The following GRK7 variants were observed in gnomAD, a reference collection of about 807,000 sequenced individuals.
The protein encoded by GRK7 is rhodopsin kinase GRK7.
Under a neutral mutation model 34.1 loss-of-function variants are expected in GRK7, and 24 were observed. That is an observed-to-expected ratio of 0.70 (90% CI 0.51 to 0.99). The LOEUF is 0.99. GRK7 is among the 50% of genes least tolerant of loss of function. The pLI is 0.00. For synonymous variants in GRK7, 256 were observed against 279.4 expected, an observed-to-expected ratio of 0.92 and a Z score of 0.84; for missense variants, 644 against 707.3, an observed-to-expected ratio of 0.91 and a Z score of 1.02.
intron 4 of GRK7, among the ~76,000 whole-genome samples, chr3:141,803,535 C>G (rs571199005): frequency 1.3e-5 from 2 of 152,210 alleles, no homozygotes; most frequent in African/African-American, 4.8e-5. Flanking sequence ...TCAGCAGTCA[C>G]TTCCATTACA....
intron 4 of GRK7, 90 bp downstream of exon 4, chr3:141,780,901 T>C: frequency 8.4e-7 from 1 of 1,187,506 alleles, no homozygotes; most frequent in Non-Finnish European, 1.2e-6. Flanking sequence ...AATAGAGCCT[T>C]GGACTTAATT....
Position 141,817,142 on chromosome 3 carries a change from CAGTT to C in GRK7, c.*95_*98del, listed in dbSNP as rs1183227480. 3 of 956,528 alleles carry C rather than the reference CAGTT, an allele frequency of 3.1e-6. No individual in the cohort carries two copies. The highest frequency in any genetic ancestry group is 4.7e-6 in the Non-Finnish European group (3 of 638,828). The allele number at this position is 956,528 out of a possible 1,614,324, so 59.3% of individuals were successfully genotyped here. On this transcript the variant is annotated 3_prime_UTR_variant, in exon 6 of 6. Coordinates refer to ENST00000682958, the MANE Select transcript of GRK7 (RefSeq NM_139209.3). ...GGAAATCTGTGGAATGAGGGCTAAT[CAGTT>C]AGGAGGGACATCACAACCACAAAAC...
rs539859950 is a variant in GRK7 at position 141,794,509 on chromosome 3, G to T, written c.1051-13136G>T. ...TGGTTCAAATGAAGATGGAGAGGTG[G>T]CAGGGGCCAGACGGAACCTGGCATT... On this transcript the variant is annotated intron_variant, in intron 4 of 5. Transcript: ENST00000682958. Among the ~76,000 whole-genome samples the T allele has an allele frequency of 9.8e-5, 15 of 152,360 alleles. 1 individual carries two copies. Among genetic ancestry groups the T allele is most frequent in the African/African-American group, 3.6e-4 (15 of 41,586 alleles).
intron 4 of GRK7, among the ~76,000 whole-genome samples, chr3:141,782,062 G>A (rs2084674552): frequency 6.6e-6 from 1 of 152,200 alleles, no homozygotes; most frequent in South Asian, 2.1e-4. Context: ...CAAGACTGAA[G>A]GGCTGGGCTT....
At position 141,778,560 on chromosome 3, in the gene GRK7, C is replaced by A; in HGVS notation, c.276C>A (p.Asn92Lys). Residue 92 changes from asparagine (N) to lysine (K), a missense_variant, in exon 3 of 6, where the codon AAC becomes AAA. Asn to Lys is a moderately conservative substitution (Grantham distance 94). Transcript: ENST00000682958. This position sits in a 1 kb window ranked among gnomAD's most constrained non-coding sequence, Gnocchi z 4.1. The part of the protein sequence containing the change: ...KAATFLEDVQ[N>K]WELAEEGPTK... ...CAACCTTCCTAGAGGACGTGCAGAA[C>A]TGGGAGCTGGCCGAGGAGGGACCCA... The A allele has an allele frequency of 6.2e-7, 1 of 1,613,300 alleles. No individual in the cohort carries two copies. Among genetic ancestry groups the A allele is most frequent in the Non-Finnish European group, 8.5e-7 (1 of 1,179,916 alleles).
Position 141,777,484 on chromosome 3 carries a change from C to G in GRK7, c.-113-688C>G, listed in dbSNP as rs866448151. ...GGACTACAGGCGCCCGCCATCAAGC[C>G]CGGCTAATTTTTTTTTTTTTTTGTA... On this transcript the variant is annotated intron_variant, in intron 2 of 5. Coordinates refer to ENST00000682958, the MANE Select transcript of GRK7 (RefSeq NM_139209.3). Among the ~76,000 whole-genome samples, 93 of 69,742 alleles carry G rather than the reference C, an allele frequency of 1.3e-3. 2 individuals carry two copies. The highest frequency in any genetic ancestry group is 4.9e-3 in the Admixed American group (33 of 6,756). The allele number at this position is 69,742 out of a possible 152,430, so 45.8% of individuals were successfully genotyped here. A position where few individuals can be genotyped will look rare whatever the true frequency, so the allele number is the denominator to read the frequency against.
At chr3:141,757,701 T>C in the GRK7 span, among the ~76,000 whole-genome samples, 1 of 52,760 alleles carries the variant, frequency 1.9e-5, no homozygotes, top group Non-Finnish European at 3.6e-5. Flanking sequence ...ATGGTATTTC[T>C]AGTTCTAGAT....
At chr3:141,779,248 A>T (rs1175071712) in intron 3 of GRK7, among the ~76,000 whole-genome samples, 1 of 152,002 alleles carries the variant, frequency 6.6e-6, no homozygotes, top group African/African-American at 2.4e-5. Context: ...AGAAAAATGG[A>T]TATTTAAGAA....
intron 4 of GRK7, among the ~76,000 whole-genome samples, chr3:141,784,420 AG>A (rs2084686334): frequency 6.6e-6 from 1 of 152,182 alleles, no homozygotes; most frequent in Non-Finnish European, 1.5e-5. Flanking sequence ...ACGGAAGCCC[AG>A]GGGACCATCA....
chr3:141,753,192 A>G, the GRK7 span, among the ~76,000 whole-genome samples: 3 of 151,986 alleles, frequency 2.0e-5, no homozygotes, highest in East Asian at 1.9e-4. Flanking sequence ...CTCTGAACCT[A>G]TTTTCCTCCA....
At chr3:141,777,455 G>T (rs1406239634) in intron 2 of GRK7, among the ~76,000 whole-genome samples, 1 of 142,862 alleles carries the variant, frequency 7.0e-6, no homozygotes, top group Non-Finnish European at 1.5e-5. Flanking sequence ...CTCCCGAGTA[G>T]CTGGGACTAC....
chr3:141,795,090 C>G (rs1489625825), intron 4 of GRK7, among the ~76,000 whole-genome samples: 1 of 152,108 alleles, frequency 6.6e-6, no homozygotes, highest in Non-Finnish European at 1.5e-5. Flanking sequence ...CCTGGAGTCA[C>G]AGGGTCAGGA....
rs567888863 is a variant in GRK7, at chr3:141,788,600, C to T, written c.1050+7789C>T. Among the ~76,000 whole-genome samples the T allele has an allele frequency of 1.4e-4, 21 of 152,230 alleles. No individual in the cohort carries two copies. The South Asian group carries it at 2.9e-3, about 21-fold the overall frequency. ...GCAGCTGGTAGCTGGGTAGTGACTC[C>T]GGGAGGTGCTTCAAGGATGGAAAGG... On this transcript the variant is annotated intron_variant, in intron 4 of 5. Transcript: ENST00000682958.
chr3:141,754,854 A>G, the GRK7 span, among the ~76,000 whole-genome samples: 1 of 152,128 alleles, frequency 6.6e-6, no homozygotes, highest in Admixed American at 6.6e-5. Flanking sequence ...AGATTATTTT[A>G]TCTCTGATAT....
At chr3:141,777,375 A>G (rs1302710918) in intron 2 of GRK7, among the ~76,000 whole-genome samples, 5 of 109,034 alleles carry the variant, frequency 4.6e-5, no homozygotes, top group Non-Finnish European at 6.9e-5. Flanking sequence ...CCCAGACGGG[A>G]GTGCAGTGGC....
chr3:141,778,992 C>A lies in GRK7; in HGVS notation c.612+96C>A. 8.6e-7 allele frequency: 1 copy of A among 1,164,006 alleles called. No individual in the cohort carries two copies. Among genetic ancestry groups the A allele is most frequent in the Non-Finnish European group, 1.2e-6 (1 of 819,152 alleles). The allele number at this position is 1,164,006 out of a possible 1,614,324, so 72.1% of individuals were successfully genotyped here. The stretch of plus-strand genomic sequence containing the variant: ...TTTTTTAAATCTCAGTTACTTAGAA[C>A]TAATTTCAGCACCATATGTGGAGGA... On this transcript the variant is annotated intron_variant, in intron 3 of 5. Transcript: ENST00000682958. This position sits in a 1 kb window ranked among gnomAD's most constrained non-coding sequence, Gnocchi z 4.1.
rs1273071722 is a variant in GRK7 at position 141,774,576 on chromosome 3, C to T, written c.-214-4C>T. ...TGTGATATCAATGCTACCATTTTCT[C>T]AAGGTTCTACCCTGCTAGGCTGCCA... On this transcript the variant is annotated splice_polypyrimidine_tract_variant and splice_region_variant and intron_variant, in intron 1 of 5. Transcript: ENST00000682958. 6.6e-6 allele frequency among the ~76,000 whole-genome samples: 1 copy of T among 152,122 alleles called. No individual in the cohort carries two copies. The highest frequency in any genetic ancestry group is 1.5e-5 in the Non-Finnish European group (1 of 68,032).
intron 4 of GRK7, among the ~76,000 whole-genome samples, chr3:141,788,010 TAAACAAAC>T (rs1194439143): frequency 2.0e-5 from 3 of 152,016 alleles, no homozygotes; most frequent in African/African-American, 7.3e-5. Context: ...ACCTTGTCTC[TAAACAAAC>T]AAACAAACAA....
Position 141,778,388 on chromosome 3 carries a change from G to A in GRK7, c.104G>A (p.Arg35His), listed in dbSNP as rs2084652104. 2.5e-6 allele frequency: 4 copies of A among 1,611,988 alleles called. No individual in the cohort carries two copies. The highest frequency in any genetic ancestry group is 1.1e-5 in the South Asian group (1 of 91,000). Residue 35 changes from arginine to histidine, a missense_variant, in exon 3 of 6, where the codon CGT (arginine) becomes CAT (histidine). Arg to His is a conservative substitution (Grantham distance 29, BLOSUM62 0). Transcript: ENST00000682958. This position sits in a 1 kb window ranked among gnomAD's most constrained non-coding sequence, Gnocchi z 4.1. Reference protein sequence around the residue: ...CDSKELQRRRRSLALPGLQGC... With the variant: ...CDSKELQRRRHSLALPGLQGC... The stretch of plus-strand genomic sequence containing the variant: ...AGCAAAGAGCTGCAGCGGCGGCGGC[G>A]TAGCCTGGCCCTGCCCGGGCTGCAG...
Sources: allele counts gnomAD v4.1 joint callset (sites outside exome capture counted in the v4.1 genomes callset), GRCh38; gene constraint gnomAD v4.1.1; non-coding constraint Gnocchi (gnomAD v3.1); transcripts MANE v1.5; gene names NCBI Gene and HGNC (gene_info 2026-07-23, HGNC 2026-07-21).